Variants in LRFN5 observed in about 807,000 individuals in gnomAD.
LRFN5 encodes leucine-rich repeat and fibronectin type-III domain-containing protein 5.
A neutral mutation model predicts 45.6 loss-of-function variants in LRFN5; 24 were observed. The ratio of observed to expected loss-of-function variants is 0.53; its 90% CI spans 0.38 to 0.74. LRFN5 has a LOEUF of 0.74. Among genes scored for constraint, LRFN5 ranks in the 30% least tolerant of loss-of-function variants. LRFN5 has a pLI of 0.00. For synonymous variants in LRFN5, 340 were observed against 313.8 expected, an observed-to-expected ratio of 1.08 and a Z score of -0.88; for missense variants, 776 against 861.5, an observed-to-expected ratio of 0.90 and a Z score of 1.24.
At chr14:41,793,575 C>T (rs750261062) in intron 2 of LRFN5, among the ~76,000 whole-genome samples, 1 of 151,968 alleles carries the variant, frequency 6.6e-6, no homozygotes, top group Non-Finnish European at 1.5e-5. Flanking sequence ...GGCAACACTA[C>T]AATTTATTGT....
intron 1 of LRFN5, among the ~76,000 whole-genome samples, chr14:41,668,159 T>C (rs1288543997): frequency 6.6e-6 from 1 of 152,164 alleles, no homozygotes; most frequent in Non-Finnish European, 1.5e-5. Flanking sequence ...TGTGTAGATA[T>C]AGCCATTAAT....
At chr14:41,653,759 A>G (rs946318409) in intron 1 of LRFN5, among the ~76,000 whole-genome samples, 2 of 152,096 alleles carry the variant, frequency 1.3e-5, no homozygotes, top group African/African-American at 4.8e-5. Context: ...AATTGCTTCT[A>G]TAGTGCTACA....
At chr14:41,705,993 A>G (rs149923161) in intron 1 of LRFN5, among the ~76,000 whole-genome samples, 4 of 152,328 alleles carry the variant, frequency 2.6e-5, no homozygotes, top group African/African-American at 7.2e-5. Context: ...TTATCCCATC[A>G]TAATAAACCT....
rs374928570 is a variant in LRFN5 at position 41,798,400 on chromosome 14, A to G, written c.-21+31371A>G. ...TTTTTCCTCTCTAGAAAATTTAAGA[A>G]CTTATGTTTGACTTATTTATTCATC... is the stretch of plus-strand genomic sequence containing the variant. On this transcript the variant is annotated intron_variant, in intron 2 of 5. Coordinates refer to ENST00000298119, the MANE Select transcript of LRFN5 (RefSeq NM_152447.5). Among the ~76,000 whole-genome samples, 6 of 152,032 alleles carry G rather than the reference A, an allele frequency of 3.9e-5. No homozygotes were observed. The East Asian group carries it at 1.2e-3, about 29-fold the overall frequency.
At chr14:41,856,302 T>TGCATTTAGCA (rs1217824922) in intron 2 of LRFN5, among the ~76,000 whole-genome samples, 2 of 152,242 alleles carry the variant, frequency 1.3e-5, no homozygotes. Context: ...AATTAATTCA[T>TGCATTTAGCA]GCATTTAGCA....
intron 4 of LRFN5, among the ~76,000 whole-genome samples, chr14:41,895,889 C>T (rs1020574610): frequency 3.3e-5 from 5 of 152,028 alleles, no homozygotes; most frequent in Non-Finnish European, 7.4e-5. Context: ...AAGATGCATA[C>T]TTTCTCCACA....
chr14:41,802,936 A>G (rs780224592), intron 2 of LRFN5, among the ~76,000 whole-genome samples: 1 of 152,174 alleles, frequency 6.6e-6, no homozygotes. Context: ...TTTATTCGGC[A>G]TAATCCTTTT....
At chr14:41,653,838 G>A (rs1045363929) in intron 1 of LRFN5, among the ~76,000 whole-genome samples, 7 of 152,050 alleles carry the variant, frequency 4.6e-5, no homozygotes, top group Non-Finnish European at 8.8e-5. Flanking sequence ...TCGAATTTGG[G>A]ATTTGCTTTG....
intron 4 of LRFN5, among the ~76,000 whole-genome samples, chr14:41,895,184 T>G (rs1267356824): frequency 6.6e-6 from 1 of 152,298 alleles, no homozygotes; most frequent in Admixed American, 6.5e-5. Flanking sequence ...AATATAAAAT[T>G]ATTATTACAG....
At chr14:41,809,006 G>C (rs1258702243) in intron 2 of LRFN5, among the ~76,000 whole-genome samples, 1 of 152,086 alleles carries the variant, frequency 6.6e-6, no homozygotes, top group African/African-American at 2.4e-5. Context: ...AGCTTTAGCA[G>C]AAATATGCCT....
At chr14:41,835,433 A>T (rs190231312) in intron 2 of LRFN5, among the ~76,000 whole-genome samples, 96 of 152,320 alleles carry the variant, frequency 6.3e-4, no homozygotes, top group African/African-American at 2.2e-3. Context: ...TTATGTTTGG[A>T]TTTCCAAACA....
At position 41,608,162 on chromosome 14, in the gene LRFN5, C is replaced by CGGAA. The variant is rs1887574979; in HGVS notation, c.-597_-596insGGAA. 1 of 152,712 alleles carries CGGAA rather than the reference C, an allele frequency of 6.5e-6. No homozygotes were observed. The highest frequency in any genetic ancestry group is 2.1e-4 in the South Asian group (1 of 4,832). 9.5% of individuals were successfully genotyped at this position (152,712 alleles called of 1,614,324 possible). A position where few individuals can be genotyped will look rare whatever the true frequency, so the allele number is the denominator to read the frequency against. On this transcript the variant is annotated 5_prime_UTR_variant, in exon 1 of 6. Coordinates refer to ENST00000298119, the MANE Select transcript of LRFN5 (RefSeq NM_152447.5). Reference sequence around the variant, plus strand: ...AGCCAATCGTGAGAAGGACCGGTTCCCTCCGTGCTGCTTCCTCCCCGTGCA... The same window carrying CGGAA: ...AGCCAATCGTGAGAAGGACCGGTTCCGGAACTCCGTGCTGCTTCCTCCCCGTGCA...
At chr14:41,640,165 A>G (rs1271130368) in intron 1 of LRFN5, among the ~76,000 whole-genome samples, 1 of 151,872 alleles carries the variant, frequency 6.6e-6, no homozygotes, top group African/African-American at 2.4e-5. Flanking sequence ...TGATGAAAAT[A>G]TCAGAGGTGG....
chr14:41,882,185 T>G (rs533943958), intron 2 of LRFN5, among the ~76,000 whole-genome samples: 1 of 152,282 alleles, frequency 6.6e-6, no homozygotes, highest in South Asian at 2.1e-4. Flanking sequence ...GGGCCAGATT[T>G]GTTGGTGGCC....
intron 2 of LRFN5, among the ~76,000 whole-genome samples, chr14:41,872,243 A>G (rs1187017723): frequency 6.6e-6 from 1 of 152,208 alleles, no homozygotes; most frequent in Non-Finnish European, 1.5e-5. Flanking sequence ...ACTAATCACT[A>G]ATGTGGATGA....
At chr14:41,694,190 G>A (rs1362650451) in intron 1 of LRFN5, among the ~76,000 whole-genome samples, 1 of 151,706 alleles carries the variant, frequency 6.6e-6, no homozygotes, top group Non-Finnish European at 1.5e-5. Context: ...TTTTTGTGGA[G>A]ATACATTTGA....
At chr14:41,732,262 T>A (rs1027009349) in intron 1 of LRFN5, among the ~76,000 whole-genome samples, 4 of 152,096 alleles carry the variant, frequency 2.6e-5, no homozygotes, top group Admixed American at 6.6e-5. Context: ...GATTATTGAT[T>A]GCTGATTTTG....
At chr14:41,737,472 A>G (rs1052973605) in intron 1 of LRFN5, among the ~76,000 whole-genome samples, 1 of 152,160 alleles carries the variant, frequency 6.6e-6, no homozygotes, top group Non-Finnish European at 1.5e-5. Context: ...CTCCACTCCT[A>G]TTCAACATAG....
chr14:41,821,263 T>C (rs1005144814), intron 2 of LRFN5, among the ~76,000 whole-genome samples: 2 of 152,028 alleles, frequency 1.3e-5, no homozygotes, highest in African/African-American at 2.4e-5. Flanking sequence ...ATGGCTCTTA[T>C]TATTCTGAAG....
Sources: gnomAD v4.1 joint callset for allele counts (sites outside exome capture counted in the v4.1 genomes callset) on GRCh38, gnomAD v4.1.1 for gene constraint, MANE v1.5 for transcripts, NCBI Gene and HGNC (gene_info 2026-07-23, HGNC 2026-07-21) for gene names.